The following SLIT3 variants were observed in gnomAD, a reference collection of about 807,000 sequenced individuals.
The protein encoded by SLIT3 is slit guidance ligand 3.
SLIT3 carries 68 observed loss-of-function variants against 184.0 expected under a neutral mutation model. The observed-to-expected ratio is 0.37, with a 90% CI of 0.30 to 0.45. The LOEUF is 0.45. Among genes scored for constraint, SLIT3 ranks in the 20% least tolerant of loss-of-function variants. The pLI, the probability that SLIT3 is intolerant of heterozygous loss-of-function variation, is 1.00. For missense variants in SLIT3, 1,707 were observed against 2,026.0 expected, an observed-to-expected ratio of 0.84 and a Z score of 3.02; for synonymous variants, 831 against 828.6, an observed-to-expected ratio of 1.00 and a Z score of -0.05.
chr5:169,056,610 G>A (rs1758009830), intron 4 of SLIT3, among the ~76,000 whole-genome samples: 1 of 151,312 alleles, frequency 6.6e-6, no homozygotes, highest in African/African-American at 2.4e-5. Flanking sequence ...AAAAAAAAAA[G>A]ATTAAATGAA....
chr5:169,300,557 G>T lies in SLIT3; in HGVS notation c.153C>A (p.Gly51=), dbSNP rs374236636. The change falls in exon 1 of 36, where the codon GGC becomes GGA. Residue 51 remains glycine, a synonymous_variant. Coordinates refer to ENST00000519560, the MANE Select transcript of SLIT3 (RefSeq NM_003062.4). The surrounding 1 kb of genome is among the most constrained non-coding windows in gnomAD (Gnocchi z 4.1). ...SAASVDCHGL[G]LRAVPRGIPR... ...GGATGCCCCGAGGAACCGCGCGGAG[G>T]CCCAGCCCGTGGCAGTCCACGCTGG... is the stretch of plus-strand genomic sequence containing the variant. 1 of 1,510,366 alleles carries T rather than the reference G, an allele frequency of 6.6e-7. No homozygotes were observed. The highest frequency in any genetic ancestry group is 1.2e-5 in the South Asian group (1 of 81,290). 93.6% of individuals were successfully genotyped at this position (1,510,366 alleles called of 1,614,324 possible).
intron 4 of SLIT3, among the ~76,000 whole-genome samples, chr5:168,884,232 G>A (rs563619557): frequency 1.1e-4 from 16 of 151,616 alleles, no homozygotes; most frequent in African/African-American, 3.9e-4. Flanking sequence ...GACCCATCAG[G>A]CCTCCAGAGC....
chr5:168,828,958 C>A (rs1202588505), intron 6 of SLIT3, among the ~76,000 whole-genome samples: 1 of 152,178 alleles, frequency 6.6e-6, no homozygotes, highest in Non-Finnish European at 1.5e-5. Flanking sequence ...CGTGGTGTTT[C>A]CCCACTTAGG....
intron 3 of SLIT3, among the ~76,000 whole-genome samples, chr5:169,233,516 T>G (rs1236698312): frequency 6.6e-6 from 1 of 151,922 alleles, no homozygotes; most frequent in East Asian, 1.9e-4. Context: ...AATACTTAGG[T>G]GATGGGTTGA....
chr5:169,178,999 G>A (rs1227049756), intron 4 of SLIT3, among the ~76,000 whole-genome samples: 1 of 152,150 alleles, frequency 6.6e-6, no homozygotes, highest in African/African-American at 2.4e-5. Context: ...TAGGGGTGCG[G>A]GGGCAGGATG....
intron 4 of SLIT3, among the ~76,000 whole-genome samples, chr5:168,979,777 C>G (rs1414810189): frequency 6.6e-6 from 1 of 152,208 alleles, no homozygotes; most frequent in Non-Finnish European, 1.5e-5. Flanking sequence ...AGGGCAGTCT[C>G]CAGGACTCAG....
chr5:168,847,539 T>G (rs1758514623), intron 5 of SLIT3, among the ~76,000 whole-genome samples: 1 of 152,170 alleles, frequency 6.6e-6, no homozygotes, highest in Non-Finnish European at 1.5e-5. Flanking sequence ...AAAAGCCCAA[T>G]TAATTGTCCA....
At chr5:168,916,294 G>C (rs1761431917) in intron 4 of SLIT3, among the ~76,000 whole-genome samples, 1 of 152,206 alleles carries the variant, frequency 6.6e-6, no homozygotes, top group Non-Finnish European at 1.5e-5. Context: ...GACACACACA[G>C]AGCAAGCACC....
intron 4 of SLIT3, among the ~76,000 whole-genome samples, chr5:169,094,058 C>T (rs1163100932): frequency 6.6e-6 from 1 of 152,084 alleles, no homozygotes; most frequent in Non-Finnish European, 1.5e-5. Flanking sequence ...GAATGTTAAT[C>T]CCATTTATAG....
At chr5:168,874,502 G>T (rs1024451998) in intron 5 of SLIT3, among the ~76,000 whole-genome samples, 1 of 152,194 alleles carries the variant, frequency 6.6e-6, no homozygotes, top group Non-Finnish European at 1.5e-5. Context: ...CTCCTTTTAC[G>T]TAACTTACAG....
intron 1 of SLIT3, among the ~76,000 whole-genome samples, chr5:169,291,477 T>C (rs1228092808): frequency 6.6e-6 from 1 of 152,196 alleles, no homozygotes; most frequent in Non-Finnish European, 1.5e-5. Context: ...TCATTTTAAG[T>C]TGGGCTCAGG....
At chr5:168,748,521 A>G in intron 19 of SLIT3, 87 bp from the exon 20 acceptor site, 2 of 1,321,060 alleles carry the variant, frequency 1.5e-6, no homozygotes, top group Non-Finnish European at 2.0e-6. Flanking sequence ...GTTCTCCACA[A>G]AGACAAGTTG....
chr5:169,297,757 A>G (rs1369395709), intron 1 of SLIT3, among the ~76,000 whole-genome samples: 1 of 152,048 alleles, frequency 6.6e-6, no homozygotes, highest in African/African-American at 2.4e-5. Flanking sequence ...TTTCTTCTGT[A>G]TTTGCAATGG....
chr5:168,837,815 C>T (rs1004962611), intron 6 of SLIT3, among the ~76,000 whole-genome samples: 1 of 152,206 alleles, frequency 6.6e-6, no homozygotes, highest in African/African-American at 2.4e-5. Context: ...TTTTAACCAA[C>T]ACAGCTATTC....
At chr5:169,228,604 G>A (rs1327147286) in intron 3 of SLIT3, among the ~76,000 whole-genome samples, 1 of 152,134 alleles carries the variant, frequency 6.6e-6, no homozygotes, top group Non-Finnish European at 1.5e-5. Context: ...TATACTTCAT[G>A]TATGCTTGTT....
chr5:168,823,132 G>A, intron 7 of SLIT3, 128 bp downstream of exon 7: 2 of 808,870 alleles, frequency 2.5e-6, no homozygotes, highest in Non-Finnish European at 4.4e-6. Context: ...AATAGCAGAA[G>A]GAGGAATTTG....
At chr5:169,015,931 AACACACACACACACACACACACACAC>A (rs3138760) in intron 4 of SLIT3, among the ~76,000 whole-genome samples, 13 of 120,286 alleles carry the variant, frequency 1.1e-4, no homozygotes, top group African/African-American at 3.7e-4. Context: ...GAAAAATATA[AACACACACACACACACACACACACAC>A]ACACACACAC....
intron 25 of SLIT3, among the ~76,000 whole-genome samples, chr5:168,709,215 C>G (rs565525592): frequency 6.6e-6 from 1 of 152,070 alleles, no homozygotes; most frequent in South Asian, 2.1e-4. Flanking sequence ...TCTGCCTCAG[C>G]CTCCCAAGTA....
At chr5:168,717,453 T>C (rs2569021) in intron 23 of SLIT3, among the ~76,000 whole-genome samples, 12,052 of 151,628 alleles carry the variant, frequency 0.079, 691 homozygotes, top group African/African-American at 0.17. Context: ...TGGCTCTTCT[T>C]TCAGGTATCG....
Sources: allele counts gnomAD v4.1 joint callset (sites outside exome capture counted in the v4.1 genomes callset), GRCh38; gene constraint gnomAD v4.1.1; non-coding constraint Gnocchi (gnomAD v3.1); transcripts MANE v1.5; gene names NCBI Gene and HGNC (gene_info 2026-07-23, HGNC 2026-07-21).